The following FRMD4A variants were observed in gnomAD, a reference collection of about 807,000 sequenced individuals.
FRMD4A encodes the protein FERM domain containing 4A, also known as FERM domain-containing protein 4A.
FRMD4A carries 29 observed loss-of-function variants against 129.1 expected under a neutral mutation model. The observed-to-expected ratio is 0.22, with a 90% CI of 0.17 to 0.31. The LOEUF (loss-of-function observed/expected upper bound fraction) is 0.31, where lower values mean the gene tolerates loss of function less well. Ranked by LOEUF, FRMD4A falls within the 10% of genes least tolerant of loss-of-function variation. FRMD4A has a pLI of 1.00. For synonymous variants in FRMD4A, 634 were observed against 571.6 expected, an observed-to-expected ratio of 1.11 and a Z score of -1.56; for missense variants, 1,272 against 1,375.8, an observed-to-expected ratio of 0.92 and a Z score of 1.19.
chr10:13,914,248 G>T (rs187218834), intron 2 of FRMD4A, among the ~76,000 whole-genome samples: 4 of 152,334 alleles, frequency 2.6e-5, no homozygotes, highest in African/African-American at 9.6e-5. Context: ...AGGTCAAGAT[G>T]AAAACGTATA....
chr10:13,778,005 G>A (rs2092640078), intron 6 of FRMD4A, among the ~76,000 whole-genome samples: 2 of 151,902 alleles, frequency 1.3e-5, no homozygotes, highest in Admixed American at 1.3e-4. Flanking sequence ...ATCTCACCAT[G>A]TTGGTCAGGC....
intron 2 of FRMD4A, among the ~76,000 whole-genome samples, chr10:14,270,765 A>T (rs150125738): frequency 6.6e-6 from 1 of 152,190 alleles, no homozygotes; most frequent in African/African-American, 2.4e-5. Context: ...ATTGATATAC[A>T]TAAGAGTGAC....
chr10:14,285,868 A>G (rs1266918726), intron 2 of FRMD4A, among the ~76,000 whole-genome samples: 1 of 152,242 alleles, frequency 6.6e-6, no homozygotes, highest in African/African-American at 2.4e-5. Flanking sequence ...AACGTCCAGT[A>G]AACTAATCAA....
At chr10:13,870,858 TCTATAACA>T (rs2094431397) in intron 2 of FRMD4A, 1 of 152,276 alleles carries the variant, frequency 6.6e-6, no homozygotes, top group Non-Finnish European at 1.5e-5. Context: ...GTTATTGAGT[TCTATAACA>T]ATAGAACTCA....
rs114201088 is a variant in FRMD4A, at chr10:14,213,079, A to T, written c.45+116979T>A. On this transcript the variant is annotated intron_variant, in intron 2 of 24. Transcript: ENST00000357447. Reference sequence around the variant, plus strand: ...TAGTGAGATCCCATCTTTACAAAAAATTTGAAAATTAACCAGGTGTCACCA... The same window carrying T: ...TAGTGAGATCCCATCTTTACAAAAATTTTGAAAATTAACCAGGTGTCACCA... Among the ~76,000 whole-genome samples, 606 of 152,072 alleles carry T rather than the reference A, an allele frequency of 4.0e-3. 3 individuals carry two copies. Among genetic ancestry groups the T allele is most frequent in the African/African-American group, 0.014 (587 of 41,470 alleles).
At chr10:14,175,081 C>A (rs952437127) in intron 2 of FRMD4A, among the ~76,000 whole-genome samples, 4 of 152,154 alleles carry the variant, frequency 2.6e-5, no homozygotes, top group African/African-American at 9.7e-5. Context: ...TTTTTCTGAA[C>A]TTCTTTATGC....
At chr10:14,000,057 G>A (rs1160499501) in intron 2 of FRMD4A, among the ~76,000 whole-genome samples, 1 of 152,182 alleles carries the variant, frequency 6.6e-6, no homozygotes, top group Non-Finnish European at 1.5e-5. Flanking sequence ...CAAGTCCTTT[G>A]AAGTATTAGT....
intron 2 of FRMD4A, among the ~76,000 whole-genome samples, chr10:14,321,690 A>G (rs1342471990): frequency 6.6e-6 from 1 of 152,232 alleles, no homozygotes; most frequent in East Asian, 1.9e-4. Flanking sequence ...CACTCTAGAA[A>G]AAGTACAGAA....
At chr10:14,210,949 G>A (rs1236348812) in intron 2 of FRMD4A, among the ~76,000 whole-genome samples, 2 of 152,062 alleles carry the variant, frequency 1.3e-5, no homozygotes, top group African/African-American at 4.8e-5. Flanking sequence ...GGCTGGTCTC[G>A]AAATCCTGAC....
At chr10:13,710,325 T>A (rs2087887798) in intron 12 of FRMD4A, 1 of 152,220 alleles carries the variant, frequency 6.6e-6, no homozygotes, top group South Asian at 2.1e-4. Flanking sequence ...GTCTCCCCCA[T>A]TCCATGCAAA....
chr10:14,219,695 A>G (rs1311884959), intron 2 of FRMD4A, among the ~76,000 whole-genome samples: 2 of 152,092 alleles, frequency 1.3e-5, no homozygotes, highest in Non-Finnish European at 2.9e-5. Context: ...CCCATGTAAC[A>G]CCTTCAGAGA....
rs185966778 is a variant in FRMD4A, at chr10:14,065,445, T to C, written c.46-206533A>G. ...GGTGATCTGCCTTGGCCTCCCAAAG[T>C]GCTGGGCTTGCAGATGTGAGCCACC... is the stretch of plus-strand genomic sequence containing the variant. On this transcript the variant is annotated intron_variant, in intron 2 of 24. Coordinates refer to ENST00000357447, the MANE Select transcript of FRMD4A (RefSeq NM_018027.5). Among the ~76,000 whole-genome samples the C allele has an allele frequency of 1.0e-3, 152 of 152,320 alleles. 1 individual carries two copies. Among genetic ancestry groups the C allele is most frequent in the African/African-American group, 3.3e-3 (139 of 41,576 alleles).
rs951019799 is a variant in FRMD4A at position 13,754,704 on chromosome 10, CT to C, written c.465-6886del. 4.6e-3 allele frequency among the ~76,000 whole-genome samples: 687 copies of C among 149,042 alleles called. 5 individuals carry two copies. The highest frequency in any genetic ancestry group is 0.015 in the African/African-American group (598 of 40,764). The stretch of plus-strand genomic sequence containing the variant: ...GTGTGTTTCAAGTTTAACAGATCAA[CT>C]TTTTTTTTTCTAGGATGTTTCCAAC... On this transcript the variant is annotated intron_variant, in intron 8 of 24. Transcript: ENST00000357447.
intron 5 of FRMD4A, 44 bp downstream of exon 5, chr10:13,796,452 A>G (rs777783951): frequency 1.1e-6 from 1 of 940,332 alleles, no homozygotes; most frequent in Admixed American, 1.7e-5. Flanking sequence ...CTTCCCTGAT[A>G]AAGAACACAA....
chr10:14,199,539 A>G (rs1268929346), intron 2 of FRMD4A, among the ~76,000 whole-genome samples: 1 of 151,782 alleles, frequency 6.6e-6, no homozygotes, highest in African/African-American at 2.4e-5. Flanking sequence ...ATAGGCACCC[A>G]CCACCACGTC....
At chr10:14,165,239 G>A (rs1033750329) in intron 2 of FRMD4A, among the ~76,000 whole-genome samples, 3 of 152,112 alleles carry the variant, frequency 2.0e-5, no homozygotes, top group African/African-American at 7.2e-5. Flanking sequence ...AGAAGACAAA[G>A]CCACCAACAA....
At position 13,701,566 on chromosome 10, in the gene FRMD4A, C is replaced by T. The variant is rs193287694; in HGVS notation, c.837-88G>A. The T allele has an allele frequency of 2.8e-4, 354 of 1,264,398 alleles. No homozygotes were observed. In the African/African-American group the frequency reaches 4.5e-3, roughly 16 times the overall value. 78.3% of individuals were successfully genotyped at this position (1,264,398 alleles called of 1,614,324 possible). ...AACAGCTTCTGTAGAGAACCCACTG[C>T]GTCCTAGAAGCCCTGGCGTAAAGAT... On this transcript the variant is annotated intron_variant, in intron 13 of 24. Coordinates refer to ENST00000357447, the MANE Select transcript of FRMD4A (RefSeq NM_018027.5).
chr10:13,824,321 C>CAAAAAAAA (rs397721588), intron 3 of FRMD4A, among the ~76,000 whole-genome samples: 140 of 99,026 alleles, frequency 1.4e-3, no homozygotes, highest in African/African-American at 2.5e-3. Flanking sequence ...ACTAAAAATA[C>CAAAAAAAA]AAAAAAAAAA....
chr10:14,036,247 CA>C (rs1191514033), intron 2 of FRMD4A, among the ~76,000 whole-genome samples: 1 of 152,076 alleles, frequency 6.6e-6, no homozygotes, highest in African/African-American at 2.4e-5. Context: ...CCAAATGGTA[CA>C]GTAAGTGAAA....
Sources: gnomAD v4.1 joint callset for allele counts (sites outside exome capture counted in the v4.1 genomes callset) on GRCh38, gnomAD v4.1.1 for gene constraint, MANE v1.5 for transcripts, NCBI Gene and HGNC (gene_info 2026-07-23, HGNC 2026-07-21) for gene names.